TOR1B: variants seen among roughly 807,000 people sequenced by gnomAD.
The protein encoded by TOR1B is torsin family 1 member B, also known as torsin-1B.
A neutral mutation model predicts 29.2 loss-of-function variants in TOR1B; 14 were observed. The observed-to-expected ratio is 0.48, with a 90% CI of 0.32 to 0.75. The LOEUF is 0.75. Among genes scored for constraint, TOR1B ranks in the 30% least tolerant of loss-of-function variants. The pLI is 0.04. For missense variants in TOR1B, 400 were observed against 433.9 expected (o/e 0.92, Z 0.69); for synonymous variants, 166 against 179.8 (o/e 0.92, Z 0.62).
chr9:129,803,411 G>A lies in TOR1B; in HGVS notation c.199G>A (p.Ala67Thr). The change falls in exon 1 of 5, where the codon GCT becomes ACT. Residue 67 changes from alanine (A) to threonine (T), a missense_variant and splice_region_variant. Coordinates refer to ENST00000259339, the MANE Select transcript of TOR1B (RefSeq NM_014506.3). ...CGAGGAGCGGCCGCTCAACGCTTCG[G>A]GTACGGCGCGCGCGCGAGCTGTGGG... ...CREERPLNAS[A>T]LKLDLEEKLF... The A allele has an allele frequency of 1.3e-6, 2 of 1,528,054 alleles. No homozygotes were observed. Among genetic ancestry groups the A allele is most frequent in the Non-Finnish European group, 8.8e-7 (1 of 1,141,528 alleles). 94.7% of individuals were successfully genotyped at this position (1,528,054 alleles called of 1,614,324 possible).
Position 129,809,566 on chromosome 9 carries a change from C to A in TOR1B, c.994C>A (p.Arg332=), listed in dbSNP as rs758179084. 1 of 1,614,170 alleles carries A rather than the reference C, an allele frequency of 6.2e-7. No individual in the cohort carries two copies. The highest frequency in any genetic ancestry group is 1.1e-5 in the South Asian group (1 of 91,084). The change falls in exon 5 of 5, where the codon CGG becomes AGG. Residue 332 remains arginine, a synonymous_variant. Transcript: ENST00000259339. ...SDKGCKTVQS[R]LDFH is the part of the protein sequence containing the mutation. Reference sequence around the variant, plus strand: ...CAAGGGCTGCAAGACTGTGCAGTCGCGGCTGGATTTCCACTGAGCTCCTAT... The same window carrying A: ...CAAGGGCTGCAAGACTGTGCAGTCGAGGCTGGATTTCCACTGAGCTCCTAT...
At position 129,803,366 on chromosome 9, in the gene TOR1B, C is replaced by G. The variant is rs765610206; in HGVS notation, c.154C>G (p.Arg52Gly). Residue 52 changes from arginine (R) to glycine (G), a missense_variant, in exon 1 of 5, where the codon CGC becomes GGC. Physicochemically the swap from Arg to Gly is moderately radical, Grantham distance 125. Coordinates refer to ENST00000259339, the MANE Select transcript of TOR1B (RefSeq NM_014506.3). ...CCTGTCCTACAATGACATCTACTGC[C>G]GCTTCGCCGAGTGCTGCCGCGAGGA... ...GYLSYNDIYC[R>G]FAECCREERP... is the part of the protein sequence containing the mutation. The G allele has an allele frequency of 6.4e-7, 1 of 1,574,228 alleles. No individual in the cohort carries two copies. The highest frequency in any genetic ancestry group is 1.8e-5 in the Admixed American group (1 of 56,376).
chr9:129,805,853 C>CATTTTAT (rs1230524740), intron 2 of TOR1B, among the ~76,000 whole-genome samples: 3 of 152,304 alleles, frequency 2.0e-5, no homozygotes, highest in Non-Finnish European at 2.9e-5. Flanking sequence ...TTTCCACATT[C>CATTTTAT]ATTTTATATT....
At chr9:129,806,846 C>T (rs1288842884) in intron 2 of TOR1B, among the ~76,000 whole-genome samples, 22 of 152,150 alleles carry the variant, frequency 1.4e-4, no homozygotes. Context: ...GATCACGCCA[C>T]TACACACCAG....
At chr9:129,807,511 G>T in intron 3 of TOR1B, 148 bp downstream of exon 3, 2 of 941,562 alleles carry the variant, frequency 2.1e-6, no homozygotes, top group Non-Finnish European at 3.2e-6. Flanking sequence ...CTTTTCCTTT[G>T]CCAGTCTCAG....
chr9:129,810,316 A>C lies in TOR1B; in HGVS notation c.*733A>C. On this transcript the variant is annotated 3_prime_UTR_variant, in exon 5 of 5. Coordinates refer to ENST00000259339, the MANE Select transcript of TOR1B (RefSeq NM_014506.3). ...GAGGATGTGGCCGTGCCCGCCGAGC[A>C]CTCTTGATCTGAGCTGACCTGTGTG... 4 of 1,275,728 alleles carry C rather than the reference A, an allele frequency of 3.1e-6. No individual in the cohort carries two copies. The highest frequency in any genetic ancestry group is 4.1e-6 in the Non-Finnish European group (4 of 978,952). The allele number at this position is 1,275,728 out of a possible 1,614,324, so 79.0% of individuals were successfully genotyped here. A position where few individuals can be genotyped will look rare whatever the true frequency, so the allele number is the denominator to read the frequency against.
chr9:129,806,035 C>T (rs1256222069), intron 2 of TOR1B, among the ~76,000 whole-genome samples: 1 of 151,446 alleles, frequency 6.6e-6, no homozygotes, highest in African/African-American at 2.4e-5. Flanking sequence ...ATGGGAGGAT[C>T]GCTTGAGCCC....
rs2030844919 is a variant in TOR1B, at chr9:129,811,139, C to A, written c.*1556C>A. 1 of 152,114 alleles carries A rather than the reference C, an allele frequency of 6.6e-6. No individual in the cohort carries two copies. Among genetic ancestry groups the A allele is most frequent in the South Asian group, 2.1e-4 (1 of 4,824 alleles). The allele number at this position is 152,114 out of a possible 1,614,324, so 9.4% of individuals were successfully genotyped here. A position where few individuals can be genotyped will look rare whatever the true frequency, so the allele number is the denominator to read the frequency against. ...ATCACACTTAGTCTTGAAAAAAACA[C>A]CAAGGTGACGTTTAAAATTTTTAGT... On this transcript the variant is annotated 3_prime_UTR_variant, in exon 5 of 5. Coordinates refer to ENST00000259339, the MANE Select transcript of TOR1B (RefSeq NM_014506.3).
rs917015563 is a variant in TOR1B, at chr9:129,810,214, G to A, written c.*631G>A. The A allele has an allele frequency of 1.2e-5, 15 of 1,304,082 alleles. No individual in the cohort carries two copies. The African/African-American group carries it at 1.2e-4, about 11-fold the overall frequency. 80.8% of individuals were successfully genotyped at this position (1,304,082 alleles called of 1,614,324 possible). On this transcript the variant is annotated 3_prime_UTR_variant, in exon 5 of 5. Transcript: ENST00000259339. ...CAAAAACATCCTTTTGCTCTGTCTC[G>A]TTCTTTACACAGAGTTCACTGACTT...
intron 3 of TOR1B, among the ~76,000 whole-genome samples, chr9:129,808,201 G>A (rs528409576): frequency 1.3e-5 from 2 of 152,088 alleles, no homozygotes; most frequent in Non-Finnish European, 2.9e-5. Context: ...ATTCCTTGAT[G>A]AAAAATAGAT....
At position 129,810,351 on chromosome 9, in the gene TOR1B, G is replaced by GC. The variant is rs1181430767; in HGVS notation, c.*768_*769insC. 92 of 1,105,354 alleles carry GC rather than the reference G, an allele frequency of 8.3e-5. 2 individuals carry two copies. Among genetic ancestry groups the GC allele is most frequent in the Non-Finnish European group, 1.0e-4 (86 of 835,858 alleles). 68.5% of individuals were successfully genotyped at this position (1,105,354 alleles called of 1,614,324 possible). ...TGAGCTGACCTGTGTGTGTGTGTGT[G>GC]GGGGGGTGGGGCCTTCACCTAAGAC... On this transcript the variant is annotated 3_prime_UTR_variant, in exon 5 of 5. Coordinates refer to ENST00000259339, the MANE Select transcript of TOR1B (RefSeq NM_014506.3).
intron 3 of TOR1B, among the ~76,000 whole-genome samples, chr9:129,808,460 C>T (rs770035345): frequency 6.6e-6 from 1 of 151,298 alleles, no homozygotes; most frequent in Non-Finnish European, 1.5e-5. Flanking sequence ...TATTGCGCCA[C>T]TGCACTCCAG....
chr9:129,805,139 GAAA>G (rs34869382), intron 2 of TOR1B, among the ~76,000 whole-genome samples: 2 of 105,474 alleles, frequency 1.9e-5, no homozygotes, highest in African/African-American at 7.8e-5. Flanking sequence ...CTCTGTCTCA[GAAA>G]AAAAAAAAAA....
chr9:129,809,464 G>C lies in TOR1B; in HGVS notation c.892G>C (p.Ala298Pro). ...VRAEMRARGSAIDEDIVTRVA... is the reference protein window; with the variant it reads ...VRAEMRARGSPIDEDIVTRVA... ...GGCCGAGATGAGGGCCCGTGGTTCT[G>C]CCATAGATGAAGACATTGTCACAAG... Residue 298 changes from alanine (A) to proline (P), a missense_variant, in exon 5 of 5, where the codon GCC becomes CCC. Coordinates refer to ENST00000259339, the MANE Select transcript of TOR1B (RefSeq NM_014506.3). The C allele has an allele frequency of 6.2e-7, 1 of 1,614,206 alleles. No individual in the cohort carries two copies. The highest frequency in any genetic ancestry group is 1.1e-5 in the South Asian group (1 of 91,082).
chr9:129,808,235 C>T (rs1030367591), intron 3 of TOR1B, among the ~76,000 whole-genome samples: 1 of 152,080 alleles, frequency 6.6e-6, no homozygotes. Flanking sequence ...TGGTGGCTCA[C>T]ACCTGTAATC....
rs2030731688 is a variant in TOR1B, at chr9:129,809,680, C to T, written c.*97C>T. On this transcript the variant is annotated 3_prime_UTR_variant, in exon 5 of 5. Transcript: ENST00000259339. The stretch of plus-strand genomic sequence containing the variant: ...CCTGAAGACCGCTTTGGGGTTTTGC[C>T]TGTTTGCACCTTAGACTTTTGGGTA... 1 of 1,546,984 alleles carries T rather than the reference C, an allele frequency of 6.5e-7. No individual in the cohort carries two copies. The highest frequency in any genetic ancestry group is 1.2e-5 in the South Asian group (1 of 80,746).
rs371226129 is a variant in TOR1B, at chr9:129,808,969, G to A, written c.706G>A (p.Glu236Lys). The change falls in exon 4 of 5, where the codon GAA (glutamate) becomes AAA (lysine). Residue 236 changes from glutamate (E) to lysine (K), a missense_variant. Physicochemically the swap from Glu to Lys is moderately conservative, Grantham distance 56. Coordinates refer to ENST00000259339, the MANE Select transcript of TOR1B (RefSeq NM_014506.3). ...CTTTTGGCGGGCCGGAAGAAAGAGG[G>A]AAGACATTCAGCTGAAGGACCTGGA... ...LDFWRAGRKR[E>K]DIQLKDLEPV... The A allele has an allele frequency of 6.2e-6, 10 of 1,613,986 alleles. No homozygotes were observed. Among genetic ancestry groups the A allele is most frequent in the Non-Finnish European group, 8.5e-6 (10 of 1,180,018 alleles).
At chr9:129,804,039 T>C in intron 1 of TOR1B, 34 bp from the exon 2 acceptor site, 1 of 1,610,220 alleles carries the variant, frequency 6.2e-7, no homozygotes, top group South Asian at 1.1e-5. Flanking sequence ...TTTTAAGGTC[T>C]GTTTCTCTCT....
At chr9:129,804,588 C>T (rs972731397) in intron 2 of TOR1B, 2 of 476,074 alleles carry the variant, frequency 4.2e-6, no homozygotes, top group East Asian at 3.6e-5. Flanking sequence ...GGCCTGGCGC[C>T]GTGGCTCACG....
Sources: gnomAD v4.1 joint callset for allele counts (sites outside exome capture counted in the v4.1 genomes callset) on GRCh38, gnomAD v4.1.1 for gene constraint, MANE v1.5 for transcripts, NCBI Gene and HGNC (gene_info 2026-07-23, HGNC 2026-07-21) for gene names.